FRAS1: variants seen among roughly 807,000 people sequenced by gnomAD.
FRAS1 encodes Fraser extracellular matrix complex subunit 1.
A neutral mutation model predicts 435.2 loss-of-function variants in FRAS1; 290 were observed. The observed-to-expected ratio is 0.67, with a 90% CI of 0.61 to 0.73. The LOEUF is 0.73. Among genes scored for constraint, FRAS1 ranks in the 30% least tolerant of loss-of-function variants. The pLI, the probability that FRAS1 is intolerant of heterozygous loss-of-function variation, is 0.00. For missense variants in FRAS1, 4,860 were observed against 5,001.5 expected (o/e 0.97, Z 0.85); for synonymous variants, 1,800 against 1,851.0 (o/e 0.97, Z 0.71).
chr4:78,461,581 A>G (rs1008139717), intron 47 of FRAS1, among the ~76,000 whole-genome samples: 1 of 152,218 alleles, frequency 6.6e-6, no homozygotes, highest in Non-Finnish European at 1.5e-5. Context: ...TAGGTGCTCA[A>G]TATTTGCTAG....
intron 13 of FRAS1, among the ~76,000 whole-genome samples, chr4:78,285,525 G>A (rs551863850): frequency 1.5e-4 from 22 of 150,816 alleles, no homozygotes; most frequent in South Asian, 1.3e-3. Context: ...TCCACCTCCC[G>A]GGTTCAAGCG....
intron 15 of FRAS1, among the ~76,000 whole-genome samples, chr4:78,314,802 C>T (rs139819660): frequency 1.6e-4 from 25 of 152,326 alleles, no homozygotes; most frequent in Admixed American, 7.2e-4. Context: ...CTTCCTAAGA[C>T]AATGCTCAAC....
Position 78,429,026 on chromosome 4 carries a change from G to A in FRAS1, c.4712-69G>A, listed in dbSNP as rs79481155. The A allele has an allele frequency of 4.8e-3, 6,394 of 1,340,586 alleles. 225 individuals carry two copies. The African/African-American group carries it at 0.082, about 17-fold the overall frequency. The allele number at this position is 1,340,586 out of a possible 1,614,324, so 83.0% of individuals were successfully genotyped here. A position where few individuals can be genotyped will look rare whatever the true frequency, so the allele number is the denominator to read the frequency against. ...AGAGGACCAGACTACAAGTTGATTC[G>A]TGTGTGTGTGTGCGTGTCTCTGTGT... On this transcript the variant is annotated intron_variant, in intron 35 of 73. Coordinates refer to ENST00000512123, the MANE Select transcript of FRAS1 (RefSeq NM_025074.7).
At chr4:78,456,671 A>G (rs1404180275) in intron 47 of FRAS1, among the ~76,000 whole-genome samples, 1 of 152,164 alleles carries the variant, frequency 6.6e-6, no homozygotes, top group African/African-American at 2.4e-5. Context: ...TGTCACACTG[A>G]TTCAGATGGG....
intron 55 of FRAS1, among the ~76,000 whole-genome samples, chr4:78,478,782 C>A (rs1241868847): frequency 6.6e-6 from 1 of 152,156 alleles, no homozygotes; most frequent in Non-Finnish European, 1.5e-5. Context: ...ATAGCAAAAA[C>A]CCTTGGTAAT....
chr4:78,329,838 G>A (rs1045771072), intron 18 of FRAS1, among the ~76,000 whole-genome samples: 2 of 152,182 alleles, frequency 1.3e-5, no homozygotes, highest in Non-Finnish European at 2.9e-5. Flanking sequence ...TGGAGCTGAG[G>A]CATTAGATCA....
chr4:78,199,087 T>C (rs1352608752), intron 2 of FRAS1, among the ~76,000 whole-genome samples: 1 of 152,184 alleles, frequency 6.6e-6, no homozygotes, highest in Non-Finnish European at 1.5e-5. Context: ...ATTGAAACTT[T>C]ATTGAGAGCA....
At chr4:78,401,798 C>A (rs1732904741) in intron 30 of FRAS1, among the ~76,000 whole-genome samples, 1 of 98,502 alleles carries the variant, frequency 1.0e-5, no homozygotes, top group South Asian at 2.9e-4. Flanking sequence ...TTAAATTAGA[C>A]CATGTGTCTT....
At chr4:78,290,360 G>A (rs951285985) in intron 14 of FRAS1, among the ~76,000 whole-genome samples, 2 of 152,186 alleles carry the variant, frequency 1.3e-5, no homozygotes, top group South Asian at 2.1e-4. Context: ...TTCTGCAGGC[G>A]CAGATGTTAT....
At chr4:78,088,159 G>C (rs149299676) in intron 2 of FRAS1, among the ~76,000 whole-genome samples, 121,825 of 151,342 alleles carry the variant, frequency 0.8, 49,131 homozygotes, top group East Asian at 0.95. Context: ...ACAAACCTGA[G>C]AAAAACAAGC....
chr4:78,386,780 T>C (rs1732233765), intron 28 of FRAS1, among the ~76,000 whole-genome samples: 1 of 152,306 alleles, frequency 6.6e-6, no homozygotes, highest in Non-Finnish European at 1.5e-5. Flanking sequence ...GAAAAAGATA[T>C]TAAATTTTAC....
intron 2 of FRAS1, among the ~76,000 whole-genome samples, chr4:78,066,308 C>G (rs1038170967): frequency 3.3e-5 from 5 of 152,070 alleles, no homozygotes; most frequent in Non-Finnish European, 7.4e-5. Flanking sequence ...AAAATTAGAT[C>G]CCATCCTTTT....
intron 2 of FRAS1, among the ~76,000 whole-genome samples, chr4:78,119,781 C>G (rs1266896831): frequency 6.6e-6 from 1 of 152,174 alleles, no homozygotes; most frequent in Non-Finnish European, 1.5e-5. Flanking sequence ...TTACTTTTAA[C>G]AAGTGTCCCA....
At chr4:78,133,881 AT>A (rs1719799755) in intron 2 of FRAS1, among the ~76,000 whole-genome samples, 1 of 151,500 alleles carries the variant, frequency 6.6e-6, no homozygotes, top group African/African-American at 2.4e-5. Context: ...TAATCCAAAC[AT>A]TTTACTTGAC....
At chr4:78,381,026 G>C (rs1731992718) in intron 27 of FRAS1, among the ~76,000 whole-genome samples, 1 of 152,146 alleles carries the variant, frequency 6.6e-6, no homozygotes, top group Non-Finnish European at 1.5e-5. Flanking sequence ...AGGAAACTGA[G>C]GCCTTGAGAG....
intron 63 of FRAS1, among the ~76,000 whole-genome samples, chr4:78,510,466 C>T (rs1720997142): frequency 6.6e-6 from 1 of 152,046 alleles, no homozygotes; most frequent in South Asian, 2.1e-4. Flanking sequence ...GAAAAATTTT[C>T]TTTAGTTTTT....
chr4:78,472,637 A>G (rs556933638), intron 52 of FRAS1, among the ~76,000 whole-genome samples: 2 of 152,360 alleles, frequency 1.3e-5, no homozygotes, highest in East Asian at 1.9e-4. Context: ...TTTAAAAACA[A>G]TAACAACAAG....
At chr4:78,362,169 A>G (rs974453512) in intron 20 of FRAS1, among the ~76,000 whole-genome samples, 4 of 152,162 alleles carry the variant, frequency 2.6e-5, no homozygotes, top group African/African-American at 4.8e-5. Flanking sequence ...TGACTTTTCA[A>G]CTCACAACTC....
intron 2 of FRAS1, among the ~76,000 whole-genome samples, chr4:78,153,603 T>C (rs1424792434): frequency 6.6e-6 from 1 of 152,202 alleles, no homozygotes; most frequent in Non-Finnish European, 1.5e-5. Flanking sequence ...ACTGTCTGTA[T>C]ATTTCATAAG....
Sources: gnomAD v4.1 joint callset for allele counts (sites outside exome capture counted in the v4.1 genomes callset) on GRCh38, gnomAD v4.1.1 for gene constraint, MANE v1.5 for transcripts, NCBI Gene and HGNC (gene_info 2026-07-23, HGNC 2026-07-21) for gene names.